The following FKBP6 variants were observed in gnomAD, a reference collection of about 807,000 sequenced individuals.
FKBP6 encodes inactive peptidyl-prolyl cis-trans isomerase FKBP6.
FKBP6 carries 29 observed loss-of-function variants against 41.7 expected under a neutral mutation model. The ratio of observed to expected loss-of-function variants is 0.70; its 90% confidence interval spans 0.52 to 0.95. FKBP6 has a LOEUF of 0.95. Ranked by LOEUF, FKBP6 falls within the 40% of genes least tolerant of loss-of-function variation. FKBP6 has a pLI of 0.00. For missense variants in FKBP6, 338 were observed against 408.7 expected (o/e 0.83, Z 1.49); for synonymous variants, 130 against 165.1 (o/e 0.79, Z 1.63).
intron 7 of FKBP6, among the ~76,000 whole-genome samples, chr7:73,342,056 T>C (rs1265803126): frequency 6.6e-6 from 1 of 151,826 alleles, no homozygotes; most frequent in Non-Finnish European, 1.5e-5. Context: ...GAAAGGCCCC[T>C]CGTAGGTCCT....
intron 5 of FKBP6, chr7:73,337,167 T>C (rs782685006): frequency 6.2e-5 from 14 of 224,682 alleles, no homozygotes; most frequent in Admixed American, 2.1e-4. Context: ...GCTGAATCCA[T>C]TCAGAAGGTA....
intron 2 of FKBP6, among the ~76,000 whole-genome samples, chr7:73,328,926 C>T (rs1171431052): frequency 1.3e-5 from 2 of 152,206 alleles, no homozygotes; most frequent in East Asian, 3.9e-4. Flanking sequence ...CCTGCCTCAG[C>T]CTCCCAAATA....
At chr7:73,333,844 G>T (rs1440612738) in intron 5 of FKBP6, among the ~76,000 whole-genome samples, 1 of 152,178 alleles carries the variant, frequency 6.6e-6, no homozygotes, top group Non-Finnish European at 1.5e-5. Context: ...GGCCGAGGCG[G>T]GTGGATCACC....
At chr7:73,344,971 C>G (rs967136172) in intron 8 of FKBP6, among the ~76,000 whole-genome samples, 1 of 152,162 alleles carries the variant, frequency 6.6e-6, no homozygotes, top group Non-Finnish European at 1.5e-5. Context: ...TGAGTGTTCT[C>G]TTAAGTATTA....
intron 5 of FKBP6, among the ~76,000 whole-genome samples, chr7:73,339,839 C>G (rs1176964315): frequency 6.6e-6 from 1 of 152,094 alleles, no homozygotes; most frequent in Non-Finnish European, 1.5e-5. Flanking sequence ...TCTCGAACTC[C>G]CGACCTCAGG....
intron 5 of FKBP6, among the ~76,000 whole-genome samples, chr7:73,334,031 A>G (rs781905045): frequency 4.6e-5 from 7 of 152,108 alleles, no homozygotes; most frequent in Non-Finnish European, 1.0e-4. Context: ...AAGATGGCAT[A>G]ATTGCACTGC....
rs1804696649 is a variant in FKBP6 at position 73,328,271 on chromosome 7, C to G, written c.-158C>G. 4 of 1,549,176 alleles carry G rather than the reference C, an allele frequency of 2.6e-6. No individual in the cohort carries two copies. Among genetic ancestry groups the G allele is most frequent in the East Asian group, 4.9e-5 (2 of 40,902 alleles). The stretch of plus-strand genomic sequence containing the variant: ...GCCGTTGGCGGCGGTTGGAACGAAA[C>G]GATGAGTGCCTCCTCGTGGCCCCAG... On this transcript the variant is annotated 5_prime_UTR_variant, in exon 1 of 9. Coordinates refer to ENST00000252037, the MANE Select transcript of FKBP6 (RefSeq NM_003602.5).
At position 73,329,353 on chromosome 7, in the gene FKBP6, A is replaced by G. The variant is rs1178527292; in HGVS notation, c.176-7A>G. On this transcript the variant is annotated splice_polypyrimidine_tract_variant and splice_region_variant and intron_variant, in intron 2 of 8. Transcript: ENST00000252037. ...CCATTTTCCTTACATTCTTTCTTCTATCCTAGTGAAATACTCGGGATACCT... is the reference window on the plus strand; with the variant it reads ...CCATTTTCCTTACATTCTTTCTTCTGTCCTAGTGAAATACTCGGGATACCT... 1.9e-6 allele frequency: 3 copies of G among 1,551,526 alleles called. No individual in the cohort carries two copies. The highest frequency in any genetic ancestry group is 4.5e-5 in the East Asian group (2 of 44,596).
intron 5 of FKBP6, chr7:73,339,338 T>A (rs1175883474): frequency 6.6e-6 from 1 of 152,246 alleles, no homozygotes; most frequent in Non-Finnish European, 1.5e-5. Flanking sequence ...GACAGTTCTC[T>A]CCCATTGAAT....
At chr7:73,349,345 G>T (rs1334444839) in intron 8 of FKBP6, among the ~76,000 whole-genome samples, 1 of 151,044 alleles carries the variant, frequency 6.6e-6, no homozygotes, top group Non-Finnish European at 1.5e-5. Context: ...GGAGGTGGAG[G>T]TTGCGGTAAG....
At chr7:73,333,092 C>T (rs977065379) in intron 5 of FKBP6, among the ~76,000 whole-genome samples, 3 of 151,960 alleles carry the variant, frequency 2.0e-5, no homozygotes, top group African/African-American at 4.8e-5. Context: ...GGCAACGTGG[C>T]GAAACCCCGT....
chr7:73,341,791 G>T (rs2353066), intron 7 of FKBP6, among the ~76,000 whole-genome samples: 20,646 of 151,362 alleles, frequency 0.14, 1,608 homozygotes, highest in East Asian at 0.29. Flanking sequence ...AGCCTCCAAG[G>T]TAGCTGGGAT....
chr7:73,334,735 C>A (rs1164415804), intron 5 of FKBP6, among the ~76,000 whole-genome samples: 1 of 152,116 alleles, frequency 6.6e-6, no homozygotes, highest in Non-Finnish European at 1.5e-5. Context: ...ATAATTTAAT[C>A]TCATTCTTTT....
intron 4 of FKBP6, 138 bp from the exon 5 acceptor site, chr7:73,331,519 A>AT (rs1804841414): frequency 6.2e-6 from 5 of 809,968 alleles, no homozygotes; most frequent in South Asian, 4.3e-5. Flanking sequence ...TTCAATTACT[A>AT]TTTTTTTAAA....
rs3752638 is a variant in FKBP6, at chr7:73,358,235, T to C, written c.*57T>C. The C allele has an allele frequency of 0.032, 4,798 of 151,552 alleles. 168 individuals are homozygous for C. Among genetic ancestry groups the C allele is most frequent in the Non-Finnish European group, 0.037 (2,486 of 67,924 alleles). 9.4% of individuals were successfully genotyped at this position (151,552 alleles called of 1,614,324 possible). On this transcript the variant is annotated 3_prime_UTR_variant, in exon 9 of 9. Transcript: ENST00000252037. The stretch of plus-strand genomic sequence containing the variant: ...CTGTGGTTCTCCATCATTGGGGGAG[T>C]GGAAGGGAGCTCCCAGCGCAGCCGT...
In FKBP6 at chr7:73,343,864, C is replaced by G. The variant is rs117404562; in HGVS notation, c.*2+965C>G. Among the ~76,000 whole-genome samples, 248 of 152,298 alleles carry G rather than the reference C, an allele frequency of 1.6e-3. 1 individual carries two copies. The highest frequency in any genetic ancestry group is 5.6e-3 in the African/African-American group (234 of 41,556). On this transcript the variant is annotated intron_variant, in intron 8 of 8. Transcript: ENST00000252037. ...GCTGAACGGGCTCATGGTGATAAAT[C>G]TCTCCTTTGTTGCTTCCTCCATCTC...
chr7:73,341,626 C>T (rs896284215), intron 7 of FKBP6, among the ~76,000 whole-genome samples: 5 of 106,432 alleles, frequency 4.7e-5, no homozygotes, highest in Admixed American at 8.9e-5. Flanking sequence ...TTTCCCCTAC[C>T]GCAAATAAAC....
intron 2 of FKBP6, among the ~76,000 whole-genome samples, chr7:73,328,946 C>G (rs1427299711): frequency 2.0e-5 from 3 of 152,008 alleles, no homozygotes; most frequent in Non-Finnish European, 4.4e-5. Context: ...AAGGGATTTA[C>G]AGGCGCGATC....
chr7:73,336,636 A>G (rs1805012454), intron 5 of FKBP6: 4 of 411,730 alleles, frequency 9.7e-6, no homozygotes, highest in South Asian at 6.8e-5. Context: ...GGAATAGGCA[A>G]ATGCTACAAA....
Sources: allele counts gnomAD v4.1 joint callset (sites outside exome capture counted in the v4.1 genomes callset), GRCh38; gene constraint gnomAD v4.1.1; transcripts MANE v1.5; gene names NCBI Gene and HGNC (gene_info 2026-07-23, HGNC 2026-07-21).